Variants in PALLD observed in about 807,000 individuals in gnomAD.
The protein encoded by PALLD is palladin, cytoskeletal associated protein, also known as palladin.
PALLD carries 61 observed loss-of-function variants against 123.5 expected under a neutral mutation model. That is an observed-to-expected ratio of 0.49 (90% CI 0.40 to 0.61). PALLD has a LOEUF of 0.61. Ranked by LOEUF, PALLD falls within the 20% of genes least tolerant of loss-of-function variation. The pLI, the probability that PALLD is intolerant of heterozygous loss-of-function variation, is 0.00. For synonymous variants in PALLD, 465 were observed against 496.4 expected (o/e 0.94, Z 0.84); for missense variants, 1,273 against 1,377.0 (o/e 0.92, Z 1.20).
intron 2 of PALLD, among the ~76,000 whole-genome samples, chr4:168,644,484 G>T (rs187752602): frequency 2.0e-5 from 3 of 152,164 alleles, no homozygotes; most frequent in Non-Finnish European, 4.4e-5. Context: ...AACAAATAAG[G>T]TAGGTTGTAG....
At chr4:168,750,542 T>A (rs918412462) in intron 10 of PALLD, among the ~76,000 whole-genome samples, 7 of 152,290 alleles carry the variant, frequency 4.6e-5, no homozygotes, top group South Asian at 2.1e-4. Context: ...ATATATATAT[T>A]TTTTAACAAA....
At chr4:168,921,810 TAC>T (rs1761563017) in intron 18 of PALLD, 69 bp downstream of exon 18, 2 of 1,200,458 alleles carry the variant, frequency 1.7e-6, no homozygotes, top group African/African-American at 3.0e-5. Flanking sequence ...AAACTAATTC[TAC>T]ATTACTAACC....
At chr4:168,790,158 CTTTT>C (rs1181288734) in intron 10 of PALLD, among the ~76,000 whole-genome samples, 51 of 133,526 alleles carry the variant, frequency 3.8e-4, no homozygotes, top group Non-Finnish European at 5.7e-4. Context: ...TTTGTGGTTT[CTTTT>C]TTTTTTTTTT....
rs556043356 is a variant in PALLD, at chr4:168,518,058, T to G, written c.908+5646T>G. 2.2e-4 allele frequency among the ~76,000 whole-genome samples: 33 copies of G among 152,276 alleles called. No homozygotes were observed. The South Asian group carries it at 4.6e-3, about 21-fold the overall frequency. ...ATTCTCCTCTCCTCCAAAAACCTTC[T>G]CTTTCCAAATCTTCTCCATGTCAAC... On this transcript the variant is annotated intron_variant, in intron 2 of 21. Transcript: ENST00000505667.
intron 10 of PALLD, among the ~76,000 whole-genome samples, chr4:168,723,239 GGTT>G (rs1450764705): frequency 1.3e-5 from 2 of 152,170 alleles, no homozygotes; most frequent in Non-Finnish European, 2.9e-5. Context: ...AAATGACCAA[GGTT>G]GTTGGTGACA....
chr4:168,631,903 A>G, intron 2 of PALLD: 4 of 985,484 alleles, frequency 4.1e-6, no homozygotes, highest in Non-Finnish European at 3.6e-6. Flanking sequence ...CCCAACTGGT[A>G]AGTGGCAGCA....
At chr4:168,873,394 C>T (rs1479815880) in intron 10 of PALLD, among the ~76,000 whole-genome samples, 1 of 152,170 alleles carries the variant, frequency 6.6e-6, no homozygotes, top group Non-Finnish European at 1.5e-5. Flanking sequence ...AAACCAACAG[C>T]ATATTTATTC....
chr4:168,666,958 C>T (rs769710352), intron 2 of PALLD, among the ~76,000 whole-genome samples: 1 of 152,146 alleles, frequency 6.6e-6, no homozygotes, highest in Non-Finnish European at 1.5e-5. Flanking sequence ...TGTCCTGCTC[C>T]GTTGCCCCCA....
chr4:168,613,155 G>A (rs1206843117), intron 2 of PALLD, among the ~76,000 whole-genome samples: 1 of 152,150 alleles, frequency 6.6e-6, no homozygotes, highest in Non-Finnish European at 1.5e-5. Flanking sequence ...TCAAATGCCT[G>A]TGTCTAGGTG....
chr4:168,743,113 G>A (rs976679566), intron 10 of PALLD, among the ~76,000 whole-genome samples: 6 of 152,062 alleles, frequency 3.9e-5, no homozygotes, highest in Non-Finnish European at 8.8e-5. Flanking sequence ...TAACTCTCAC[G>A]CAATTACTCT....
At chr4:168,813,450 A>G (rs1741457545) in intron 10 of PALLD, among the ~76,000 whole-genome samples, 1 of 152,032 alleles carries the variant, frequency 6.6e-6, no homozygotes, top group Non-Finnish European at 1.5e-5. Flanking sequence ...TATCTGATTG[A>G]TTGGTTGATT....
At chr4:168,796,341 CTGA>C (rs1581516886) in intron 10 of PALLD, among the ~76,000 whole-genome samples, 1 of 152,190 alleles carries the variant, frequency 6.6e-6, no homozygotes, top group East Asian at 1.9e-4. Context: ...TTTTACATTT[CTGA>C]TGATGCTTTC....
chr4:168,784,529 T>C (rs1736409412), intron 10 of PALLD, among the ~76,000 whole-genome samples: 1 of 152,048 alleles, frequency 6.6e-6, no homozygotes, highest in Non-Finnish European at 1.5e-5. Context: ...GAGGGCGGCT[T>C]GAGTTGGGGC....
At position 168,772,113 on chromosome 4, in the gene PALLD, G is replaced by A. The variant is rs546249599; in HGVS notation, c.1964+60190G>A. Among the ~76,000 whole-genome samples, 5 of 152,204 alleles carry A rather than the reference G, an allele frequency of 3.3e-5. No individual in the cohort carries two copies. The East Asian group carries it at 7.7e-4, about 23-fold the overall frequency. On this transcript the variant is annotated intron_variant, in intron 10 of 21. Coordinates refer to ENST00000505667, the MANE Select transcript of PALLD (RefSeq NM_001166108.2). The stretch of plus-strand genomic sequence containing the variant: ...TGCCTAGCATTCAACACTCACAACA[G>A]CCTTGCGAAATAGGACTATTTTTAT...
chr4:168,707,522 C>G (rs752404141), intron 8 of PALLD, among the ~76,000 whole-genome samples: 20 of 152,198 alleles, frequency 1.3e-4, no homozygotes, highest in Non-Finnish European at 2.6e-4. Flanking sequence ...AAGGGTTCAT[C>G]AGGGTTCCAA....
intron 2 of PALLD, among the ~76,000 whole-genome samples, chr4:168,621,528 C>T (rs569525545): frequency 6.6e-6 from 1 of 152,280 alleles, no homozygotes; most frequent in Non-Finnish European, 1.5e-5. Context: ...GATAGTTAAT[C>T]CTAGAAATTT....
At chr4:168,582,327 C>A (rs1404022799) in intron 2 of PALLD, among the ~76,000 whole-genome samples, 1 of 151,950 alleles carries the variant, frequency 6.6e-6, no homozygotes, top group African/African-American at 2.4e-5. Context: ...GACTTTGTAT[C>A]CTGCTACTTT....
At chr4:168,501,458 T>G (rs927370793) in intron 1 of PALLD, among the ~76,000 whole-genome samples, 1 of 152,068 alleles carries the variant, frequency 6.6e-6, no homozygotes, top group Non-Finnish European at 1.5e-5. Context: ...GTTAACAAAA[T>G]AGGTCACCGT....
intron 17 of PALLD, 63 bp downstream of exon 17, chr4:168,916,090 T>C (rs1227811662): frequency 1.4e-6 from 2 of 1,476,014 alleles, no homozygotes; most frequent in East Asian, 4.5e-5. Flanking sequence ...GCCATTTCTC[T>C]ATAGTTCCTT....
Sources: gnomAD v4.1 joint callset for allele counts (sites outside exome capture counted in the v4.1 genomes callset) on GRCh38, gnomAD v4.1.1 for gene constraint, MANE v1.5 for transcripts, NCBI Gene and HGNC (gene_info 2026-07-23, HGNC 2026-07-21) for gene names.